The following INPP5A variants were observed in gnomAD, a reference collection of about 807,000 sequenced individuals.
INPP5A encodes inositol polyphosphate-5-phosphatase A.
A neutral mutation model predicts 65.2 loss-of-function variants in INPP5A; 14 were observed. That is an observed-to-expected ratio of 0.21 (90% CI 0.14 to 0.34). The LOEUF (loss-of-function observed/expected upper bound fraction) is 0.34, where lower values mean the gene tolerates loss of function less well. Ranked by LOEUF, INPP5A falls within the 10% of genes least tolerant of loss-of-function variation. The pLI is 1.00. For synonymous variants in INPP5A, 207 were observed against 208.3 expected (o/e 0.99, Z 0.05); for missense variants, 431 against 545.6 (o/e 0.79, Z 2.09).
intron 8 of INPP5A, among the ~76,000 whole-genome samples, chr10:132,711,644 G>A (rs1024196301): frequency 1.3e-5 from 2 of 152,216 alleles, no homozygotes; most frequent in Non-Finnish European, 2.9e-5. Flanking sequence ...GCCTGGAGCT[G>A]CCCTGCGCCT....
Position 132,546,913 on chromosome 10 carries a change from AGCAGAGCCCAGGCCTGGCCCT to A in INPP5A, c.75+8744_75+8764del, listed in dbSNP as rs2070981512. 6.6e-6 allele frequency among the ~76,000 whole-genome samples: 1 copy of A among 152,244 alleles called. No individual in the cohort carries two copies. Among genetic ancestry groups the A allele is most frequent in the Non-Finnish European group, 1.5e-5 (1 of 67,996 alleles). ...CAGGGGCAGACTCTGTTTCCTGCTC[AGCAGAGCCCAGGCCTGGCCCT>A]GGTTAGCAGGCTGTGTCATCTGCCG... On this transcript the variant is annotated intron_variant, in intron 1 of 15. Coordinates refer to ENST00000368594, the MANE Select transcript of INPP5A (RefSeq NM_005539.5). This position sits in a 1 kb window ranked among gnomAD's most constrained non-coding sequence, Gnocchi z 5.7.
At position 132,622,067 on chromosome 10, in the gene INPP5A, C is replaced by T. The variant is rs73401210; in HGVS notation, c.117+14111C>T. ...GTGGATTTATTTAGTTTTCAACATA[C>T]AAGGTCAGTATGAAAACATCTTGTT... On this transcript the variant is annotated intron_variant, in intron 2 of 15. Coordinates refer to ENST00000368594, the MANE Select transcript of INPP5A (RefSeq NM_005539.5). Among the ~76,000 whole-genome samples, 862 of 152,298 alleles carry T rather than the reference C, an allele frequency of 5.7e-3. 8 individuals carry two copies. The highest frequency in any genetic ancestry group is 0.02 in the African/African-American group (813 of 41,548).
chr10:132,546,979 C>T lies in INPP5A; in HGVS notation c.75+8808C>T, dbSNP rs563481337. Reference sequence around the variant, plus strand: ...CTGCCGCAGACAGCCTTCCTTTCTGCGTCCTCCCCTCTCGGGGTCCCGCAT... The same window carrying T: ...CTGCCGCAGACAGCCTTCCTTTCTGTGTCCTCCCCTCTCGGGGTCCCGCAT... On this transcript the variant is annotated intron_variant, in intron 1 of 15. Transcript: ENST00000368594. This position sits in a 1 kb window ranked among gnomAD's most constrained non-coding sequence, Gnocchi z 5.7. Among the ~76,000 whole-genome samples, 10 of 152,224 alleles carry T rather than the reference C, an allele frequency of 6.6e-5. No individual in the cohort carries two copies. Among genetic ancestry groups the T allele is most frequent in the African/African-American group, 9.6e-5 (4 of 41,454 alleles).
intron 4 of INPP5A, among the ~76,000 whole-genome samples, chr10:132,667,839 C>T (rs567127583): frequency 2.0e-5 from 3 of 152,168 alleles, no homozygotes; most frequent in Non-Finnish European, 2.9e-5. Context: ...TGGCGGCATG[C>T]GGGGACATGA....
intron 4 of INPP5A, among the ~76,000 whole-genome samples, chr10:132,671,375 TCGGAC>T (rs1564957917): frequency 8.1e-4 from 115 of 141,992 alleles, no homozygotes; most frequent in African/African-American, 2.9e-3. Context: ...CCTCCCTGCT[TCGGAC>T]TCCGCCCTCC....
chr10:132,733,581 T>C (rs1846123853), intron 9 of INPP5A, among the ~76,000 whole-genome samples: 2 of 152,206 alleles, frequency 1.3e-5, no homozygotes. Flanking sequence ...TGTAAAACAT[T>C]TCGTAGAAAT....
chr10:132,544,190 C>T (rs1336572090), intron 1 of INPP5A, among the ~76,000 whole-genome samples: 1 of 152,252 alleles, frequency 6.6e-6, no homozygotes, highest in Non-Finnish European at 1.5e-5. Context: ...TAAGTGCCAT[C>T]TCTGTGTGGG....
chr10:132,565,523 C>G (rs147878756), intron 1 of INPP5A, among the ~76,000 whole-genome samples: 77 of 152,132 alleles, frequency 5.1e-4, no homozygotes, highest in Non-Finnish European at 1.0e-3. Flanking sequence ...CTAAAACAGG[C>G]AAGACAAAAG....
chr10:132,572,519 GCTGAGGCTGC>G (rs572364642), intron 1 of INPP5A, among the ~76,000 whole-genome samples: 2 of 152,212 alleles, frequency 1.3e-5, no homozygotes, highest in South Asian at 4.1e-4. Flanking sequence ...TGGGAGGGAT[GCTGAGGCTGC>G]CCAGGGCTGC....
At chr10:132,593,267 C>G (rs938218542) in intron 1 of INPP5A, among the ~76,000 whole-genome samples, 1 of 152,176 alleles carries the variant, frequency 6.6e-6, no homozygotes, top group Admixed American at 6.5e-5. Flanking sequence ...TAGGTCCCAC[C>G]TGCACTGAGG....
intron 4 of INPP5A, among the ~76,000 whole-genome samples, chr10:132,679,240 T>A (rs2073010536): frequency 6.6e-6 from 1 of 151,918 alleles, no homozygotes; most frequent in Non-Finnish European, 1.5e-5. Flanking sequence ...AAGGAAGGGA[T>A]GTTTGGGTGA....
intron 4 of INPP5A, among the ~76,000 whole-genome samples, chr10:132,662,270 G>T (rs1037323763): frequency 1.3e-5 from 2 of 152,086 alleles, no homozygotes; most frequent in Admixed American, 6.5e-5. Context: ...TACACACACC[G>T]TATCACCCAG....
At chr10:132,596,884 CGT>C (rs774726267) in intron 1 of INPP5A, among the ~76,000 whole-genome samples, 33 of 135,780 alleles carry the variant, frequency 2.4e-4, no homozygotes, top group East Asian at 7.0e-4. Context: ...TGTGCATGCA[CGT>C]GTGTTTGGAG....
Position 132,651,479 on chromosome 10 carries a change from C to T in INPP5A, c.306+974C>T, listed in dbSNP as rs534241081. On this transcript the variant is annotated intron_variant, in intron 4 of 15. Coordinates refer to ENST00000368594, the MANE Select transcript of INPP5A (RefSeq NM_005539.5). The surrounding 1 kb of genome is among the most constrained non-coding windows in gnomAD (Gnocchi z 5.0). ...TCCCCCGGCTTGGGTCCATCTCCCC[C>T]ATCTCTGGGGAGGCCCTGGGTCCCC... Among the ~76,000 whole-genome samples, 21 of 147,340 alleles carry T rather than the reference C, an allele frequency of 1.4e-4. 1 individual carries two copies. The South Asian group carries it at 4.0e-3, about 28-fold the overall frequency.
chr10:132,726,605 G>T (rs925378387), intron 8 of INPP5A, among the ~76,000 whole-genome samples: 3 of 152,194 alleles, frequency 2.0e-5, no homozygotes, highest in Admixed American at 2.0e-4. Context: ...ATGCGTGTCC[G>T]TGTTGCCAAG....
chr10:132,723,360 C>T (rs1350919406), intron 8 of INPP5A, among the ~76,000 whole-genome samples: 1 of 152,274 alleles, frequency 6.6e-6, no homozygotes. Flanking sequence ...AGAGTTTGTT[C>T]CGTCAGGGTT....
intron 11 of INPP5A, among the ~76,000 whole-genome samples, chr10:132,750,312 G>A (rs969743468): frequency 3.3e-5 from 5 of 152,242 alleles, no homozygotes; most frequent in African/African-American, 7.2e-5. Flanking sequence ...ACATGTGCAC[G>A]TGAGTGCGTA....
chr10:132,663,263 C>G lies in INPP5A; in HGVS notation c.306+12758C>G, dbSNP rs2072759763. On this transcript the variant is annotated intron_variant, in intron 4 of 15. Transcript: ENST00000368594. The surrounding 1 kb of genome is among the most constrained non-coding windows in gnomAD (Gnocchi z 4.5). ...TTGACACAGGATGTCACTCTGTTGC[C>G]CAGGCTGGAGTGCAGTAGTGCAATC... 6.6e-6 allele frequency among the ~76,000 whole-genome samples: 1 copy of G among 152,118 alleles called. No homozygotes were observed.
At chr10:132,553,062 G>C (rs546439553) in intron 1 of INPP5A, among the ~76,000 whole-genome samples, 1 of 140,200 alleles carries the variant, frequency 7.1e-6, no homozygotes, top group East Asian at 2.3e-4. Context: ...AGCCTTGGTG[G>C]AATATTGAGT....
Sources: allele counts gnomAD v4.1 joint callset (sites outside exome capture counted in the v4.1 genomes callset), GRCh38; gene constraint gnomAD v4.1.1; non-coding constraint Gnocchi (gnomAD v3.1); transcripts MANE v1.5; gene names NCBI Gene and HGNC (gene_info 2026-07-23, HGNC 2026-07-21).